The following ZFHX3 variants were observed in gnomAD, a reference collection of about 807,000 sequenced individuals.
ZFHX3 encodes zinc finger homeobox 3, also known as zinc finger homeobox protein 3.
A neutral mutation model predicts 279.1 loss-of-function variants in ZFHX3; 42 were observed. The observed-to-expected ratio is 0.15, with a 90% confidence interval of 0.12 to 0.19. ZFHX3 has a LOEUF of 0.19. ZFHX3 is among the 10% of genes least tolerant of loss of function. The probability of loss-of-function intolerance (pLI) is 1.00; values close to 1 mark genes in which losing one functional copy is unlikely to be tolerated. For synonymous variants in ZFHX3, 2,293 were observed against 1,957.8 expected (o/e 1.17, Z -4.52); for missense variants, 4,981 against 4,754.0 (o/e 1.05, Z -1.40).
chr16:73,779,719 C>A (rs1959386251), intron 1 of ZFHX3, among the ~76,000 whole-genome samples: 1 of 152,122 alleles, frequency 6.6e-6, no homozygotes, highest in South Asian at 2.1e-4. Flanking sequence ...ACAGTAATCC[C>A]AAGCCTTTCC....
intron 3 of ZFHX3, among the ~76,000 whole-genome samples, chr16:72,948,047 G>A (rs1408238243): frequency 3.9e-5 from 6 of 152,302 alleles, no homozygotes; most frequent in South Asian, 4.2e-4. Context: ...GATCTTAGTC[G>A]TACTGAGGGA....
chr16:73,366,940 C>T (rs1215375032), intron 3 of ZFHX3, among the ~76,000 whole-genome samples: 1 of 152,196 alleles, frequency 6.6e-6, no homozygotes, highest in Non-Finnish European at 1.5e-5. Context: ...TAACTCCCAA[C>T]ATTCTGAGGA....
At chr16:73,414,337 G>C (rs895723791) in intron 3 of ZFHX3, among the ~76,000 whole-genome samples, 89 of 152,318 alleles carry the variant, frequency 5.8e-4, no homozygotes, top group African/African-American at 2.1e-3. Context: ...TATGTGCCAG[G>C]CACTATGTAT....
chr16:73,810,288 G>A (rs907572634), intron 1 of ZFHX3, among the ~76,000 whole-genome samples: 1 of 152,130 alleles, frequency 6.6e-6, no homozygotes, highest in African/African-American at 2.4e-5. Flanking sequence ...TTGGATTGTG[G>A]ATTAATCTTG....
intron 4 of ZFHX3, among the ~76,000 whole-genome samples, chr16:72,854,597 T>C (rs2037702394): frequency 6.6e-6 from 1 of 152,084 alleles, no homozygotes; most frequent in African/African-American, 2.4e-5. Flanking sequence ...AAGTAAAAAT[T>C]CCCAAACAAT....
intron 1 of ZFHX3, among the ~76,000 whole-genome samples, chr16:73,044,579 T>C (rs1965225283): frequency 6.8e-6 from 1 of 147,854 alleles, no homozygotes. Flanking sequence ...GAGAAACAAG[T>C]GAGTTACTCT....
chr16:73,072,139 C>A (rs56218283), intron 8 of ZFHX3, among the ~76,000 whole-genome samples: 1,668 of 152,130 alleles, frequency 0.011, 31 homozygotes, highest in African/African-American at 0.036. Flanking sequence ...GTATGTTCAC[C>A]ACTGGGTTGG....
chr16:72,831,757 T>C (rs1419399002), intron 4 of ZFHX3, among the ~76,000 whole-genome samples: 1 of 152,226 alleles, frequency 6.6e-6, no homozygotes, highest in Non-Finnish European at 1.5e-5. Context: ...TATTATTGCA[T>C]TCGGTCTACC....
rs936482863 is a variant in ZFHX3, at chr16:73,247,673, G to A, written c.-1104+9374C>T. On this transcript the variant is annotated intron_variant, in intron 5 of 17. Transcript: ENST00000641206. ...ATATAATGTGTCTGTGTGTCTATGT[G>A]CCTGTATGCGGAGTATACGTGTGTG... Among the ~76,000 whole-genome samples, 1,225 of 149,720 alleles carry A rather than the reference G, an allele frequency of 8.2e-3. 15 individuals carry two copies. The highest frequency in any genetic ancestry group is 0.029 in the African/African-American group (1,171 of 40,112).
chr16:73,776,752 T>C (rs922742417), intron 1 of ZFHX3, among the ~76,000 whole-genome samples: 3 of 152,130 alleles, frequency 2.0e-5, no homozygotes, highest in Non-Finnish European at 2.9e-5. Context: ...AAACTGTAAA[T>C]CTCAGCCATG....
At chr16:73,773,216 A>G (rs562986023) in intron 1 of ZFHX3, among the ~76,000 whole-genome samples, 70 of 152,344 alleles carry the variant, frequency 4.6e-4, no homozygotes, top group African/African-American at 1.6e-3. Flanking sequence ...ACCGTGTTGC[A>G]CGGCACAGAT....
chr16:73,683,341 T>A (rs1312681912), intron 1 of ZFHX3, among the ~76,000 whole-genome samples: 2 of 152,208 alleles, frequency 1.3e-5, no homozygotes, highest in Non-Finnish European at 2.9e-5. Flanking sequence ...GGTTGGTAAC[T>A]ACTGATAAAT....
intron 5 of ZFHX3, among the ~76,000 whole-genome samples, chr16:73,225,177 T>G (rs894856162): frequency 2.6e-5 from 4 of 152,236 alleles, no homozygotes; most frequent in African/African-American, 9.6e-5. Context: ...ACCATGGGTA[T>G]GTATTACACA....
rs117302012 is a variant in ZFHX3 at position 73,369,711 on chromosome 16, G to C, written c.-1290-51375C>G. 5.9e-5 allele frequency among the ~76,000 whole-genome samples: 9 copies of C among 152,274 alleles called. No individual in the cohort carries two copies. The East Asian group carries it at 1.5e-3, about 26-fold the overall frequency. ...GGTGGCTCTTGCTCCTGAAGATTTG[G>C]ATCAGGAGGGCAGGGCTGTGCTTCT... On this transcript the variant is annotated intron_variant, in intron 3 of 17. Coordinates refer to the ZFHX3 transcript ENST00000641206.
At chr16:73,442,045 G>C (rs2143539176) in intron 3 of ZFHX3, among the ~76,000 whole-genome samples, 1 of 152,280 alleles carries the variant, frequency 6.6e-6, no homozygotes, top group African/African-American at 2.4e-5. Flanking sequence ...GAGAGACCTG[G>C]GTCAGGCAGG....
intron 2 of ZFHX3, among the ~76,000 whole-genome samples, chr16:73,503,840 C>T (rs1376629687): frequency 6.6e-6 from 1 of 152,108 alleles, no homozygotes; most frequent in Non-Finnish European, 1.5e-5. Context: ...CCTGTTTCTT[C>T]CAAAAGTAAA....
intron 1 of ZFHX3, among the ~76,000 whole-genome samples, chr16:73,822,485 C>G (rs1372231928): frequency 6.6e-6 from 1 of 151,944 alleles, no homozygotes; most frequent in Non-Finnish European, 1.5e-5. Flanking sequence ...TGGCTTTTCT[C>G]AGGTTGACTG....
At chr16:72,932,081 G>T (rs2144299524) in intron 3 of ZFHX3, among the ~76,000 whole-genome samples, 1 of 152,304 alleles carries the variant, frequency 6.6e-6, no homozygotes, top group Non-Finnish European at 1.5e-5. Context: ...GTAAGGGAAT[G>T]AAAACTACCA....
chr16:73,854,401 C>T (rs561503954), intron 1 of ZFHX3, among the ~76,000 whole-genome samples: 8 of 152,090 alleles, frequency 5.3e-5, no homozygotes, highest in African/African-American at 1.7e-4. Flanking sequence ...GTAGGAGGCA[C>T]CTGTAGTCCC....
Sources: gnomAD v4.1 joint callset for allele counts (sites outside exome capture counted in the v4.1 genomes callset) on GRCh38, gnomAD v4.1.1 for gene constraint, MANE v1.5 for transcripts, NCBI Gene and HGNC (gene_info 2026-07-23, HGNC 2026-07-21) for gene names.